Variants in RAB38 observed in about 807,000 individuals in gnomAD.
RAB38 encodes the protein ras-related protein Rab-38.
RAB38 carries 15 observed loss-of-function variants against 18.4 expected under a neutral mutation model. The observed-to-expected ratio is 0.82, with a 90% CI of 0.55 to 1.26. The LOEUF (loss-of-function observed/expected upper bound fraction) is 1.26. Among genes scored for constraint, RAB38 ranks in the 50% most tolerant of loss-of-function variants. The pLI, the probability that RAB38 is intolerant of heterozygous loss-of-function variation, is 0.00. For missense variants in RAB38, 294 were observed against 267.4 expected (o/e 1.10, Z -0.69); for synonymous variants, 101 against 104.4 (o/e 0.97, Z 0.20).
chr11:87,873,370 G>A, the RAB38 span, among the ~76,000 whole-genome samples: 295 of 151,528 alleles, frequency 1.9e-3, no homozygotes, highest in African/African-American at 6.7e-3. Context: ...TATGTCTTTT[G>A]CAAATATTTT....
chr11:87,955,665 A>G, the RAB38 span, among the ~76,000 whole-genome samples: 13 of 141,822 alleles, frequency 9.2e-5, no homozygotes, highest in South Asian at 6.8e-4. Flanking sequence ...ATATCTATCA[A>G]TCATCTATCT....
chr11:88,149,603 A>T lies in RAB38; in HGVS notation c.483+72T>A, dbSNP rs191074221. 40 of 1,467,734 alleles carry T rather than the reference A, an allele frequency of 2.7e-5. No homozygotes were observed. In the Admixed American group the frequency reaches 3.0e-4, roughly 11 times the overall value. 90.9% of individuals were successfully genotyped at this position (1,467,734 alleles called of 1,614,324 possible). On this transcript the variant is annotated intron_variant, in intron 2 of 2. Coordinates refer to ENST00000243662, the MANE Select transcript of RAB38 (RefSeq NM_022337.3). ...CAAACATATTATTATCATTATGATG[A>T]TGGTGATGATTATGTGCCATTTTCT... is the stretch of plus-strand genomic sequence containing the variant.
the RAB38 span, among the ~76,000 whole-genome samples, chr11:87,840,595 T>A: frequency 1.3e-5 from 2 of 152,188 alleles, no homozygotes; most frequent in East Asian, 1.9e-4. Flanking sequence ...GTAGTATTTG[T>A]TATACTTTAA....
At chr11:88,074,872 C>A in the RAB38 span, among the ~76,000 whole-genome samples, 697 of 152,146 alleles carry the variant, frequency 4.6e-3, no homozygotes, top group Middle Eastern at 0.01. Context: ...GTATTCCATG[C>A]AACCAGAAAA....
At chr11:88,148,468 A>G (rs1253465519) in intron 2 of RAB38, among the ~76,000 whole-genome samples, 1 of 152,194 alleles carries the variant, frequency 6.6e-6, no homozygotes, top group African/African-American at 2.4e-5. Context: ...AGAGCATGGT[A>G]ACTACCATGC....
At chr11:87,835,019 C>G in the RAB38 span, among the ~76,000 whole-genome samples, 1 of 152,196 alleles carries the variant, frequency 6.6e-6, no homozygotes, top group African/African-American at 2.4e-5. Context: ...TTCTCTTTCT[C>G]CTGTGCCATA....
the RAB38 span, among the ~76,000 whole-genome samples, chr11:87,917,352 A>T: frequency 6.6e-6 from 1 of 151,976 alleles, no homozygotes; most frequent in Non-Finnish European, 1.5e-5. Context: ...AACTGGGAGG[A>T]GGTGGAGAAC....
chr11:88,166,513 C>T (rs1417148076), intron 1 of RAB38: 1 of 152,166 alleles, frequency 6.6e-6, no homozygotes, highest in Admixed American at 6.5e-5. Flanking sequence ...CCTTCCAGAT[C>T]AAGCTTGCTC....
chr11:87,819,574 T>C, the RAB38 span, among the ~76,000 whole-genome samples: 148 of 151,778 alleles, frequency 9.8e-4, no homozygotes, highest in African/African-American at 3.5e-3. Flanking sequence ...CCCTGTAGAT[T>C]ATGCCACAAA....
chr11:87,830,349 C>T, the RAB38 span, among the ~76,000 whole-genome samples: 1,761 of 152,012 alleles, frequency 0.012, 16 homozygotes, highest in East Asian at 0.039. Context: ...GACATGGTGC[C>T]GTGTACCTGT....
chr11:88,174,919 T>G (rs1943364380), intron 1 of RAB38, among the ~76,000 whole-genome samples: 1 of 152,208 alleles, frequency 6.6e-6, no homozygotes, highest in Non-Finnish European at 1.5e-5. Context: ...CTTCCTCTGG[T>G]TCCCTGGGGA....
the RAB38 span, among the ~76,000 whole-genome samples, chr11:88,087,321 T>C: frequency 6.6e-6 from 1 of 151,934 alleles, no homozygotes; most frequent in South Asian, 2.1e-4. Flanking sequence ...ATTAGTCCAT[T>C]TGCATTGCTG....
chr11:88,004,297 G>A, the RAB38 span, among the ~76,000 whole-genome samples: 16 of 150,896 alleles, frequency 1.1e-4, no homozygotes, highest in African/African-American at 3.6e-4. Context: ...ATTTGAGCAA[G>A]TTAGATTTGT....
chr11:87,858,902 A>T, the RAB38 span, among the ~76,000 whole-genome samples: 14 of 151,760 alleles, frequency 9.2e-5, no homozygotes, highest in Non-Finnish European at 1.9e-4. Flanking sequence ...AAATATGATT[A>T]ATAAAATTGT....
At chr11:87,832,690 G>C in the RAB38 span, among the ~76,000 whole-genome samples, 2 of 152,088 alleles carry the variant, frequency 1.3e-5, no homozygotes, top group Non-Finnish European at 2.9e-5. Flanking sequence ...TTGTTCCCCA[G>C]CTCTCTGACA....
chr11:87,842,253 A>T, the RAB38 span, among the ~76,000 whole-genome samples: 1 of 152,248 alleles, frequency 6.6e-6, no homozygotes, highest in African/African-American at 2.4e-5. Context: ...GTGAAGGTCA[A>T]GAATTTCCCT....
intron 1 of RAB38, 130 bp from the exon 2 acceptor site, chr11:88,150,085 A>C (rs1409450255): frequency 2.2e-5 from 21 of 955,586 alleles, no homozygotes; most frequent in Non-Finnish European, 2.9e-5. Context: ...TAATCTTTAA[A>C]GAGCGAACTA....
At chr11:87,878,332 C>CATCT in the RAB38 span, among the ~76,000 whole-genome samples, 714 of 148,622 alleles carry the variant, frequency 4.8e-3, 8 homozygotes, top group South Asian at 0.023. Flanking sequence ...ATCAATCTAT[C>CATCT]ATCTATCTAT....
intron 2 of RAB38, among the ~76,000 whole-genome samples, chr11:88,116,524 A>C (rs188001803): frequency 3.9e-4 from 59 of 152,330 alleles, no homozygotes; most frequent in Admixed American, 1.2e-3. Context: ...CCCCAGAATC[A>C]CACAGCAAGT....
Sources: gnomAD v4.1 joint callset for allele counts (sites outside exome capture counted in the v4.1 genomes callset) on GRCh38, gnomAD v4.1.1 for gene constraint, MANE v1.5 for transcripts, NCBI Gene and HGNC (gene_info 2026-07-23, HGNC 2026-07-21) for gene names.